Variants in COL11A1 observed in about 807,000 individuals in gnomAD.
The protein encoded by COL11A1 is collagen type XI alpha 1 chain.
In COL11A1, 74 loss-of-function variants were observed where a neutral mutation model predicts 265.2. The ratio of observed to expected loss-of-function variants is 0.28; its 90% CI spans 0.23 to 0.34. The LOEUF is 0.34. COL11A1 is among the 10% of genes least tolerant of loss of function. The probability of loss-of-function intolerance (pLI) is 1.00; values close to 1 mark genes in which losing one functional copy is unlikely to be tolerated. For missense variants in COL11A1, 2,165 were observed against 2,263.6 expected (o/e 0.96, Z 0.88); for synonymous variants, 816 against 727.6 (o/e 1.12, Z -1.96).
chr1:103,064,618 G>C (rs897419939), intron 4 of COL11A1, among the ~76,000 whole-genome samples: 2 of 150,428 alleles, frequency 1.3e-5, no homozygotes, highest in Admixed American at 6.7e-5. Context: ...GTGAACCCGG[G>C]AGGCGGAGCT....
Position 103,018,803 on chromosome 1 carries a change from A to G in COL11A1, c.1350+15T>C, listed in dbSNP as rs1666768970. 3 of 1,605,710 alleles carry G rather than the reference A, an allele frequency of 1.9e-6. No homozygotes were observed. Among genetic ancestry groups the G allele is most frequent in the Non-Finnish European group, 2.6e-6 (3 of 1,173,090 alleles). ...ACTTTAAATAGACAAAAATAATCTT[A>G]AAACATTTACATACTGCAGGTCCTG... On this transcript the variant is annotated intron_variant, in intron 10 of 66. Transcript: ENST00000370096.
At chr1:102,960,428 C>T (rs1350783017) in intron 41 of COL11A1, among the ~76,000 whole-genome samples, 1 of 151,356 alleles carries the variant, frequency 6.6e-6, no homozygotes, top group Non-Finnish European at 1.5e-5. Context: ...AGACAGCCAA[C>T]TATATTCCAA....
intron 6 of COL11A1, 67 bp from the exon 7 acceptor site, chr1:103,025,680 T>C (rs1036749286): frequency 6.4e-7 from 1 of 1,569,232 alleles, no homozygotes; most frequent in South Asian, 1.1e-5. Flanking sequence ...GAAATCATGA[T>C]TTAATTGGGT....
In COL11A1 at chr1:103,022,407, TA is replaced by T. The variant is rs1211090868; in HGVS notation, c.1245+334del. 3.9e-5 allele frequency among the ~76,000 whole-genome samples: 6 copies of T among 152,160 alleles called. No homozygotes were observed. The East Asian group carries it at 1.2e-3, about 29-fold the overall frequency. On this transcript the variant is annotated intron_variant, in intron 8 of 66. Transcript: ENST00000370096. ...TTAAGAAATGTCATCAAATTAAATT[TA>T]AAAAATAGTCTAAAAATCAGAAATA... is the stretch of plus-strand genomic sequence containing the variant.
At chr1:102,948,405 A>C (rs1659535305) in intron 41 of COL11A1, among the ~76,000 whole-genome samples, 1 of 152,062 alleles carries the variant, frequency 6.6e-6, no homozygotes, top group East Asian at 1.9e-4. Flanking sequence ...TGACAAAGCC[A>C]CCCATTGGTT....
intron 4 of COL11A1, among the ~76,000 whole-genome samples, chr1:103,073,829 G>C (rs1304737081): frequency 6.6e-6 from 1 of 151,804 alleles, no homozygotes; most frequent in Non-Finnish European, 1.5e-5. Flanking sequence ...TGTATGTATA[G>C]TCACACATCA....
At chr1:102,987,855 T>G in intron 29 of COL11A1, 115 bp from the exon 30 acceptor site, 1 of 784,974 alleles carries the variant, frequency 1.3e-6, no homozygotes, top group Non-Finnish European at 2.2e-6. Context: ...ATCTTGCCTT[T>G]TACCTTCAAA....
At chr1:102,989,259 T>C (rs184371576) in intron 29 of COL11A1, among the ~76,000 whole-genome samples, 44 of 152,032 alleles carry the variant, frequency 2.9e-4, no homozygotes, top group Admixed American at 2.6e-3. Context: ...TGCATGTGTG[T>C]GTGTGTGTGT....
chr1:102,951,385 C>T (rs867462416), intron 41 of COL11A1, among the ~76,000 whole-genome samples: 2 of 152,162 alleles, frequency 1.3e-5, no homozygotes, highest in South Asian at 2.1e-4. Context: ...TGTATGCAAA[C>T]ATGTTGAACA....
At chr1:102,908,864 G>C (rs771289847) in intron 54 of COL11A1, among the ~76,000 whole-genome samples, 1 of 151,990 alleles carries the variant, frequency 6.6e-6, no homozygotes, top group Non-Finnish European at 1.5e-5. Context: ...AATCAGGGGA[G>C]TTAACAATGT....
chr1:102,934,836 A>G (rs1470362649), intron 45 of COL11A1, among the ~76,000 whole-genome samples: 2 of 152,122 alleles, frequency 1.3e-5, no homozygotes, highest in African/African-American at 4.8e-5. Flanking sequence ...TTATCTATTA[A>G]GGAATTCTCA....
At chr1:102,891,288 A>G (rs1339721768) in intron 57 of COL11A1, among the ~76,000 whole-genome samples, 2 of 152,132 alleles carry the variant, frequency 1.3e-5, no homozygotes, top group East Asian at 1.9e-4. Context: ...TCTCTAAGCT[A>G]AAGTATAAGA....
In COL11A1 at chr1:103,021,705, A is replaced by G; in HGVS notation, c.1308+2T>C. 1 of 1,605,348 alleles carries G rather than the reference A, an allele frequency of 6.2e-7. No homozygotes were observed. Among genetic ancestry groups the G allele is most frequent in the Non-Finnish European group, 8.5e-7 (1 of 1,171,996 alleles). On this transcript the variant is annotated splice_donor_variant, in intron 9 of 66. Transcript: ENST00000370096. LOFTEE classifies it high-confidence loss of function. ...TTAAAGTGTATTCACACTACTACTT[A>G]CAGGCTCAACCACTGCTGGTTCTCC...
At chr1:102,890,426 T>A in intron 58 of COL11A1, 25 bp downstream of exon 58, 2 of 1,588,884 alleles carry the variant, frequency 1.3e-6, no homozygotes, top group Non-Finnish European at 1.7e-6. Context: ...ATTCTTTTAT[T>A]AATAACACAT....
At chr1:103,084,735 C>T (rs1334213962) in intron 1 of COL11A1, among the ~76,000 whole-genome samples, 3 of 152,108 alleles carry the variant, frequency 2.0e-5, no homozygotes, top group Non-Finnish European at 4.4e-5. Context: ...CTTTAGAACC[C>T]ATATTACTCA....
chr1:102,928,031 C>T (rs1656835181), intron 46 of COL11A1, among the ~76,000 whole-genome samples: 1 of 152,060 alleles, frequency 6.6e-6, no homozygotes, highest in Admixed American at 6.5e-5. Context: ...CGTGTTCCTC[C>T]TATTGCTATC....
At chr1:102,907,133 G>T (rs1335968829) in intron 54 of COL11A1, among the ~76,000 whole-genome samples, 5 of 152,070 alleles carry the variant, frequency 3.3e-5, no homozygotes, top group Non-Finnish European at 5.9e-5. Flanking sequence ...GAAAATGAAT[G>T]TGAATAGCTT....
intron 4 of COL11A1, among the ~76,000 whole-genome samples, chr1:103,042,961 A>G (rs1336316029): frequency 6.8e-6 from 1 of 147,694 alleles, no homozygotes; most frequent in Non-Finnish European, 1.5e-5. Context: ...TATATATGAA[A>G]TAGATCATAT....
chr1:102,942,854 A>C lies in COL11A1; in HGVS notation c.3277-2420T>G, dbSNP rs559870595. The stretch of plus-strand genomic sequence containing the variant: ...CTTCTCACAACTTATCACAATTCTG[A>C]AAAATGATTTAGAACTATAATTTTA... On this transcript the variant is annotated intron_variant, in intron 42 of 66. Coordinates refer to ENST00000370096, the MANE Select transcript of COL11A1 (RefSeq NM_001854.4). Among the ~76,000 whole-genome samples, 219 of 152,222 alleles carry C rather than the reference A, an allele frequency of 1.4e-3. 1 individual carries two copies. The highest frequency in any genetic ancestry group is 5.1e-3 in the African/African-American group (211 of 41,570).
Sources: allele counts gnomAD v4.1 joint callset (sites outside exome capture counted in the v4.1 genomes callset), GRCh38; gene constraint gnomAD v4.1.1; transcripts MANE v1.5; gene names NCBI Gene and HGNC (gene_info 2026-07-23, HGNC 2026-07-21).